Variants in FBXO36 observed in about 807,000 individuals in gnomAD.
FBXO36 encodes F-box only protein 36.
Under a neutral mutation model 17.0 loss-of-function variants are expected in FBXO36, and 18 were observed. The ratio of observed to expected loss-of-function variants is 1.06; its 90% CI spans 0.73 to 1.57. The LOEUF (loss-of-function observed/expected upper bound fraction) is 1.57, where lower values mean the gene tolerates loss of function less well. Among genes scored for constraint, FBXO36 ranks in the 40% most tolerant of loss-of-function variants. FBXO36 has a pLI of 0.00. For missense variants in FBXO36, 229 were observed against 221.9 expected (o/e 1.03, Z -0.20); for synonymous variants, 83 against 85.3 (o/e 0.97, Z 0.15).
At chr2:230,009,130 G>C (rs764123340) in intron 3 of FBXO36, among the ~76,000 whole-genome samples, 2 of 152,168 alleles carry the variant, frequency 1.3e-5, no homozygotes, top group Non-Finnish European at 2.9e-5. Flanking sequence ...GTGGTGTCAG[G>C]AGGTAGAGGT....
intron 1 of FBXO36, among the ~76,000 whole-genome samples, chr2:229,963,444 C>CTTTTT (rs757351541): frequency 7.7e-6 from 1 of 129,246 alleles, no homozygotes; most frequent in Non-Finnish European, 1.6e-5. Context: ...TTTCTTTTTT[C>CTTTTT]TTTTTTTTTT....
chr2:229,929,948 G>A (rs1221682486), intron 1 of FBXO36, among the ~76,000 whole-genome samples: 1 of 152,208 alleles, frequency 6.6e-6, no homozygotes, highest in African/African-American at 2.4e-5. Flanking sequence ...TTTCCACACA[G>A]AAAGAACTAC....
chr2:229,928,654 C>G (rs1016942158), intron 1 of FBXO36, among the ~76,000 whole-genome samples: 1 of 152,180 alleles, frequency 6.6e-6, no homozygotes, highest in Non-Finnish European at 1.5e-5. Flanking sequence ...TCCCAAACTC[C>G]TGCTGTTTTT....
intron 3 of FBXO36, among the ~76,000 whole-genome samples, chr2:230,008,722 C>CTT (rs1186422904): frequency 6.6e-6 from 1 of 152,104 alleles, no homozygotes; most frequent in East Asian, 1.9e-4. Flanking sequence ...GAGTTCAGAT[C>CTT]TTTTAAAGGA....
At chr2:229,975,040 TATAAG>T (rs1374684350) in intron 1 of FBXO36, among the ~76,000 whole-genome samples, 3 of 152,160 alleles carry the variant, frequency 2.0e-5, no homozygotes, top group Non-Finnish European at 2.9e-5. Flanking sequence ...AAAAACATAA[TATAAG>T]ATATGTTTCA....
chr2:229,934,034 A>C (rs182755242), intron 1 of FBXO36, among the ~76,000 whole-genome samples: 13 of 152,198 alleles, frequency 8.5e-5, no homozygotes, highest in African/African-American at 3.1e-4. Context: ...TTGTGATTAG[A>C]AAAGATTGGA....
intron 1 of FBXO36, among the ~76,000 whole-genome samples, chr2:229,960,522 A>G (rs2077115255): frequency 1.3e-5 from 2 of 149,038 alleles, no homozygotes; most frequent in African/African-American, 5.0e-5. Context: ...ATAGGGTGTC[A>G]CTCTGTCGCC....
At position 229,993,453 on chromosome 2, in the gene FBXO36, TC is replaced by T. The variant is rs1241132892; in HGVS notation, c.206-3297del. Among the ~76,000 whole-genome samples, 3 of 152,234 alleles carry T rather than the reference TC, an allele frequency of 2.0e-5. No homozygotes were observed. The East Asian group carries it at 5.8e-4, about 29-fold the overall frequency. ...TTTGAATATCATTTCTGCAATATCC[TC>T]TTTGTTAATAGGGCAGCCCTATTCA... On this transcript the variant is annotated intron_variant, in intron 2 of 3. Transcript: ENST00000283946.
intron 3 of FBXO36, among the ~76,000 whole-genome samples, chr2:230,002,962 C>A (rs927460653): frequency 6.6e-6 from 1 of 151,998 alleles, no homozygotes; most frequent in African/African-American, 2.4e-5. Context: ...CACAGTGGCT[C>A]ACACCTTTGG....
At chr2:230,001,397 G>A (rs1412077006) in intron 3 of FBXO36, among the ~76,000 whole-genome samples, 2 of 150,472 alleles carry the variant, frequency 1.3e-5, no homozygotes, top group Non-Finnish European at 3.0e-5. Context: ...AAGCAATTCT[G>A]CTGCCTCAGC....
At chr2:229,949,551 A>ACACG (rs756963995) in intron 1 of FBXO36, among the ~76,000 whole-genome samples, 1 of 151,820 alleles carries the variant, frequency 6.6e-6, no homozygotes, top group Admixed American at 6.6e-5. Context: ...ACACACACAC[A>ACACG]CACACACACA....
At chr2:229,974,643 A>C (rs2077198284) in intron 1 of FBXO36, among the ~76,000 whole-genome samples, 1 of 151,964 alleles carries the variant, frequency 6.6e-6, no homozygotes, top group African/African-American at 2.4e-5. Flanking sequence ...CTCGATCTCC[A>C]TTTTTTCCGG....
intron 1 of FBXO36, chr2:229,939,102 G>T: frequency 5.7e-6 from 1 of 175,016 alleles, no homozygotes; most frequent in Non-Finnish European, 9.9e-6. Flanking sequence ...TGCCCAGGCT[G>T]GAGTGCAATG....
chr2:229,953,157 G>A (rs1416990386), intron 1 of FBXO36, among the ~76,000 whole-genome samples: 2 of 152,182 alleles, frequency 1.3e-5, no homozygotes, highest in East Asian at 3.9e-4. Context: ...GGCCAACACG[G>A]CAAAACCCAA....
At chr2:230,003,777 C>T (rs572659349) in intron 3 of FBXO36, among the ~76,000 whole-genome samples, 1 of 152,330 alleles carries the variant, frequency 6.6e-6, no homozygotes, top group South Asian at 2.1e-4. Context: ...CAGGTAATCG[C>T]CTGCCTTGGC....
chr2:229,998,945 G>C (rs1468963759), intron 3 of FBXO36, among the ~76,000 whole-genome samples: 2 of 151,128 alleles, frequency 1.3e-5, no homozygotes, highest in Non-Finnish European at 2.9e-5. Context: ...TGGGACTACA[G>C]GTGCCCGCCA....
In FBXO36 at chr2:229,999,466, C is replaced by G. The variant is rs559883294; in HGVS notation, c.378+2543C>G. ...CTGTATTATAGTACTTAATATATTC[C>G]TTTTGAGAGTGTGTGTGTGTGTATA... is the stretch of plus-strand genomic sequence containing the variant. On this transcript the variant is annotated intron_variant, in intron 3 of 3. Transcript: ENST00000283946. Among the ~76,000 whole-genome samples the G allele has an allele frequency of 4.0e-3, 589 of 145,658 alleles. 7 individuals carry two copies. The highest frequency in any genetic ancestry group is 0.014 in the African/African-American group (565 of 39,574).
chr2:229,922,650 A>G (rs775007256), intron 1 of FBXO36, 41 bp downstream of exon 1: 5 of 1,599,948 alleles, frequency 3.1e-6, no homozygotes, highest in Non-Finnish European at 4.3e-6. Flanking sequence ...CTAACTCCCT[A>G]CCTGGCCCGG....
intron 3 of FBXO36, among the ~76,000 whole-genome samples, chr2:230,005,697 T>A (rs943874469): frequency 6.6e-6 from 1 of 152,222 alleles, no homozygotes; most frequent in Non-Finnish European, 1.5e-5. Flanking sequence ...AGATGGAGTC[T>A]CACTCTGTTA....
Sources: allele counts gnomAD v4.1 joint callset (sites outside exome capture counted in the v4.1 genomes callset), GRCh38; gene constraint gnomAD v4.1.1; transcripts MANE v1.5; gene names NCBI Gene and HGNC (gene_info 2026-07-23, HGNC 2026-07-21).